ADAMTS18: variants seen among roughly 807,000 people sequenced by gnomAD.
ADAMTS18 encodes the protein ADAM metallopeptidase with thrombospondin type 1 motif 18.
ADAMTS18 carries 157 observed loss-of-function variants against 165.9 expected under a neutral mutation model. That is an observed-to-expected ratio of 0.95 (90% confidence interval 0.83 to 1.08). ADAMTS18 has a LOEUF of 1.08. ADAMTS18 is among the 50% of genes least tolerant of loss of function. The probability of loss-of-function intolerance (pLI) is 0.00; values close to 1 mark genes in which losing one functional copy is unlikely to be tolerated. For missense variants in ADAMTS18, 2,040 were observed against 1,534.0 expected (o/e 1.33, Z -5.51); for synonymous variants, 782 against 578.2 (o/e 1.35, Z -5.06).
At position 77,333,475 on chromosome 16, in the gene ADAMTS18, A is replaced by G. The variant is rs537159677; in HGVS notation, c.1859+2281T>C. Among the ~76,000 whole-genome samples, 186 of 143,450 alleles carry G rather than the reference A, an allele frequency of 1.3e-3. 1 individual carries two copies. The highest frequency in any genetic ancestry group is 4.7e-3 in the African/African-American group (183 of 38,928). 94.1% of individuals were successfully genotyped at this position (143,450 alleles called of 152,430 possible). ...ATCTTGGAACTTAAAGTAAAATAAT[A>G]ATGAAAAAAGAAATACCAAAAAAAA... On this transcript the variant is annotated intron_variant, in intron 12 of 22. Coordinates refer to ENST00000282849, the MANE Select transcript of ADAMTS18 (RefSeq NM_199355.4).
intron 10 of ADAMTS18, 96 bp downstream of exon 10, chr16:77,353,637 C>G: frequency 6.4e-7 from 1 of 1,554,934 alleles, no homozygotes. Context: ...CAGAACCTAA[C>G]CCTTGGCCTT....
intron 16 of ADAMTS18, among the ~76,000 whole-genome samples, chr16:77,308,901 T>A (rs2055729799): frequency 6.6e-6 from 1 of 152,102 alleles, no homozygotes; most frequent in Non-Finnish European, 1.5e-5. Flanking sequence ...TATTCAGGAG[T>A]GGAGAATTAA....
intron 4 of ADAMTS18, among the ~76,000 whole-genome samples, chr16:77,366,676 A>G (rs1336841808): frequency 6.6e-6 from 1 of 152,244 alleles, no homozygotes; most frequent in African/African-American, 2.4e-5. Flanking sequence ...TTAATTTTAT[A>G]CAAGTTAAAT....
chr16:77,353,795 C>T lies in ADAMTS18; in HGVS notation c.1552G>A (p.Asp518Asn). The stretch of plus-strand genomic sequence containing the variant: ...CCAAATTGCCATTTACACTGTGTGT[C>T]AGCATCATAAATCTGTCCTGGTAGT... ...DKLPGQIYDADTQCKWQFGAK... is the reference protein window; with the variant it reads ...DKLPGQIYDANTQCKWQFGAK... Residue 518 changes from aspartate (D) to asparagine (N), a missense_variant, in exon 10 of 23, where the codon GAC becomes AAC. Coordinates refer to ENST00000282849, the MANE Select transcript of ADAMTS18 (RefSeq NM_199355.4). 6.2e-7 allele frequency: 1 copy of T among 1,614,160 alleles called. No individual in the cohort carries two copies. The highest frequency in any genetic ancestry group is 1.1e-5 in the South Asian group (1 of 91,074).
intron 3 of ADAMTS18, among the ~76,000 whole-genome samples, chr16:77,428,657 T>C (rs1000595871): frequency 4.6e-5 from 7 of 152,102 alleles, no homozygotes; most frequent in African/African-American, 1.4e-4. Flanking sequence ...TGAGTACCCC[T>C]AATCCAAAAA....
intron 22 of ADAMTS18, among the ~76,000 whole-genome samples, chr16:77,287,228 T>C (rs2055271421): frequency 6.6e-6 from 1 of 152,140 alleles, no homozygotes; most frequent in African/African-American, 2.4e-5. Flanking sequence ...AAGAACGGAA[T>C]CTTCTTCCGT....
At position 77,367,543 on chromosome 16, in the gene ADAMTS18, C is replaced by A. The variant is rs751825126; in HGVS notation, c.676G>T (p.Gly226Cys). 2 of 1,614,222 alleles carry A rather than the reference C, an allele frequency of 1.2e-6. No homozygotes were observed. The highest frequency in any genetic ancestry group is 1.7e-6 in the Non-Finnish European group (2 of 1,180,040). The change falls in exon 4 of 23, where the codon GGT becomes TGT. Residue 226 changes from glycine (G) to cysteine (C), a missense_variant. Physicochemically the swap from Gly to Cys is radical, Grantham distance 159. Coordinates refer to ENST00000282849, the MANE Select transcript of ADAMTS18 (RefSeq NM_199355.4). Reference protein sequence around the residue: ...GYPGSGRNYPGYSPSHIPHAS... With the variant: ...GYPGSGRNYPCYSPSHIPHAS... ...TGGGGAATGTGACTTGGGGAGTAAC[C>A]AGGATAATTCCGGCCAGAGCCGGGG...
At chr16:77,397,244 A>G (rs558382184) in intron 3 of ADAMTS18, among the ~76,000 whole-genome samples, 1 of 152,198 alleles carries the variant, frequency 6.6e-6, no homozygotes, top group African/African-American at 2.4e-5. Context: ...GAAAGGAGAA[A>G]CTTTGTGTAT....
intron 3 of ADAMTS18, among the ~76,000 whole-genome samples, chr16:77,405,188 T>G (rs1407114324): frequency 6.6e-6 from 1 of 152,202 alleles, no homozygotes; most frequent in Non-Finnish European, 1.5e-5. Flanking sequence ...AGACACATGT[T>G]GACAGCTAAG....
At chr16:77,393,979 T>C (rs975844725) in intron 3 of ADAMTS18, among the ~76,000 whole-genome samples, 3 of 152,198 alleles carry the variant, frequency 2.0e-5, no homozygotes, top group Non-Finnish European at 4.4e-5. Flanking sequence ...GAACCATACA[T>C]GTGGTCTAAT....
Position 77,307,003 on chromosome 16 carries a change from G to C in ADAMTS18, c.2533-6599C>G, listed in dbSNP as rs115720471. 7.8e-3 allele frequency among the ~76,000 whole-genome samples: 1,185 copies of C among 152,166 alleles called. 17 individuals are homozygous for C. The highest frequency in any genetic ancestry group is 0.027 in the African/African-American group (1,114 of 41,514). ...GTTAACTGCTGGAAAGACAACACTG[G>C]GCCTCCCTGGTGTGCTGTGACATTT... On this transcript the variant is annotated intron_variant, in intron 16 of 22. Transcript: ENST00000282849.
chr16:77,434,208 C>G (rs2057769543), intron 2 of ADAMTS18, among the ~76,000 whole-genome samples: 1 of 151,374 alleles, frequency 6.6e-6, no homozygotes, highest in Non-Finnish European at 1.5e-5. Context: ...AGAGTATTTG[C>G]TTTTATGTGA....
At chr16:77,317,824 A>G (rs1322624728) in intron 16 of ADAMTS18, among the ~76,000 whole-genome samples, 1 of 152,216 alleles carries the variant, frequency 6.6e-6, no homozygotes, top group African/African-American at 2.4e-5. Context: ...TATTTGTTCA[A>G]AGAATTATCC....
intron 3 of ADAMTS18, among the ~76,000 whole-genome samples, chr16:77,427,901 G>A (rs931240339): frequency 2.6e-5 from 4 of 152,126 alleles, no homozygotes; most frequent in African/African-American, 4.8e-5. Flanking sequence ...ATGTATGCAC[G>A]CATGTCTGCT....
intron 2 of ADAMTS18, among the ~76,000 whole-genome samples, chr16:77,432,794 G>T (rs1250841454): frequency 6.6e-6 from 1 of 150,804 alleles, no homozygotes; most frequent in Non-Finnish European, 1.5e-5. Context: ...CTAAGGAATA[G>T]TGGAGCCCCT....
rs34422251 is a variant in ADAMTS18 at position 77,297,916 on chromosome 16, C to CTTTTTTTT, written c.2675-509_2675-502dup. 6.3e-4 allele frequency among the ~76,000 whole-genome samples: 39 copies of CTTTTTTTT among 61,554 alleles called. 4 individuals carry two copies. The highest frequency in any genetic ancestry group is 1.8e-3 in the South Asian group (2 of 1,082). 40.4% of individuals were successfully genotyped at this position (61,554 alleles called of 152,430 possible). On this transcript the variant is annotated intron_variant, in intron 17 of 22. Transcript: ENST00000282849. ...CCTATCAGCCAGGGCTCTGCTTTTG[C>CTTTTTTTT]TTTTTTTTTTTTTTTTTTTTTTTTT... is the stretch of plus-strand genomic sequence containing the variant.
At chr16:77,393,616 G>C (rs1464981382) in intron 3 of ADAMTS18, among the ~76,000 whole-genome samples, 1 of 152,196 alleles carries the variant, frequency 6.6e-6, no homozygotes, top group African/African-American at 2.4e-5. Flanking sequence ...ACCACGTGAA[G>C]ACACAGCAAG....
chr16:77,340,543 C>G (rs1315770949), intron 11 of ADAMTS18, among the ~76,000 whole-genome samples: 1 of 152,086 alleles, frequency 6.6e-6, no homozygotes, highest in Non-Finnish European at 1.5e-5. Flanking sequence ...GTCTCCTGTT[C>G]CCCATATCTA....
chr16:77,411,104 C>A (rs1235283924), intron 3 of ADAMTS18, among the ~76,000 whole-genome samples: 1 of 152,174 alleles, frequency 6.6e-6, no homozygotes, highest in East Asian at 1.9e-4. Flanking sequence ...AGTATGGCAG[C>A]AATGATTTAT....
Sources: gnomAD v4.1 joint callset for allele counts (sites outside exome capture counted in the v4.1 genomes callset) on GRCh38, gnomAD v4.1.1 for gene constraint, MANE v1.5 for transcripts, NCBI Gene and HGNC (gene_info 2026-07-23, HGNC 2026-07-21) for gene names.